Variants in ZMIZ1 observed in about 807,000 individuals in gnomAD.
The protein encoded by ZMIZ1 is zinc finger MIZ-type containing 1, also known as zinc finger MIZ domain-containing protein 1.
ZMIZ1 carries 17 observed loss-of-function variants against 113.9 expected under a neutral mutation model. The ratio of observed to expected loss-of-function variants is 0.15; its 90% CI spans 0.10 to 0.22. The LOEUF (loss-of-function observed/expected upper bound fraction) is 0.22. Among genes scored for constraint, ZMIZ1 ranks in the 10% least tolerant of loss-of-function variants. The pLI, the probability that ZMIZ1 is intolerant of heterozygous loss-of-function variation, is 1.00. For synonymous variants in ZMIZ1, 607 were observed against 603.1 expected, an observed-to-expected ratio of 1.01 and a Z score of -0.09; for missense variants, 1,059 against 1,477.8, an observed-to-expected ratio of 0.72 and a Z score of 4.65.
At chr10:79,169,516 A>G (rs543057898) in intron 4 of ZMIZ1, among the ~76,000 whole-genome samples, 11 of 152,356 alleles carry the variant, frequency 7.2e-5, no homozygotes, top group African/African-American at 2.6e-4. Flanking sequence ...ACAGCTCCAG[A>G]AGGGCTGATA....
intron 6 of ZMIZ1, among the ~76,000 whole-genome samples, chr10:79,210,830 G>A (rs969062605): frequency 6.6e-6 from 1 of 152,174 alleles, no homozygotes; most frequent in Non-Finnish European, 1.5e-5. Context: ...GCTCTGAAGG[G>A]AGCATCTTTT....
chr10:79,236,252 T>A (rs1274033459), intron 7 of ZMIZ1, among the ~76,000 whole-genome samples: 1 of 152,200 alleles, frequency 6.6e-6, no homozygotes, highest in Non-Finnish European at 1.5e-5. Flanking sequence ...AGTGGAAGCT[T>A]TGTGCTCAGC....
intron 7 of ZMIZ1, among the ~76,000 whole-genome samples, chr10:79,223,575 G>C (rs573502365): frequency 1.3e-5 from 2 of 152,238 alleles, no homozygotes; most frequent in Non-Finnish European, 2.9e-5. Flanking sequence ...TTTAGTGGAC[G>C]AAACCTGTTC....
At chr10:79,263,189 T>A (rs1249835466) in intron 7 of ZMIZ1, among the ~76,000 whole-genome samples, 1 of 152,256 alleles carries the variant, frequency 6.6e-6, no homozygotes, top group African/African-American at 2.4e-5. Flanking sequence ...AACACGTGTT[T>A]CCAGAGTGGT....
At chr10:79,174,922 C>G (rs76856214) in intron 4 of ZMIZ1, among the ~76,000 whole-genome samples, 2,323 of 152,330 alleles carry the variant, frequency 0.015, 55 homozygotes, top group African/African-American at 0.053. Context: ...CAGGTGACAC[C>G]TGCCCTCCAT....
At chr10:79,214,799 C>G (rs1393365381) in intron 6 of ZMIZ1, among the ~76,000 whole-genome samples, 3 of 152,182 alleles carry the variant, frequency 2.0e-5, no homozygotes, top group Admixed American at 2.0e-4. Flanking sequence ...ACTCCATTTT[C>G]CAAGGTCCTT....
intron 5 of ZMIZ1, among the ~76,000 whole-genome samples, chr10:79,208,110 G>T (rs11002866): frequency 7.0e-6 from 1 of 142,550 alleles, no homozygotes; most frequent in South Asian, 2.3e-4. Context: ...GAGGTGGATC[G>T]GGGAGGTGGG....
chr10:79,227,559 A>G (rs1261826830), intron 7 of ZMIZ1, among the ~76,000 whole-genome samples: 2 of 152,226 alleles, frequency 1.3e-5, no homozygotes, highest in Admixed American at 6.5e-5. Context: ...AATAATGCCT[A>G]CATCATAGGT....
chr10:79,098,057 G>T (rs1843233524), intron 1 of ZMIZ1, among the ~76,000 whole-genome samples: 1 of 152,222 alleles, frequency 6.6e-6, no homozygotes, highest in African/African-American at 2.4e-5. Context: ...AGGCTCTGGA[G>T]GACTTGATGG....
chr10:79,109,500 G>A (rs1462183226), intron 1 of ZMIZ1, among the ~76,000 whole-genome samples: 2 of 152,224 alleles, frequency 1.3e-5, no homozygotes, highest in African/African-American at 4.8e-5. Flanking sequence ...AGCCTCATCT[G>A]TCCTCAGCAT....
At chr10:79,154,800 G>C (rs949181506) in intron 3 of ZMIZ1, among the ~76,000 whole-genome samples, 1 of 152,122 alleles carries the variant, frequency 6.6e-6, no homozygotes, top group Non-Finnish European at 1.5e-5. Context: ...AGTTGGTCTC[G>C]GACTCATCTT....
At chr10:79,203,340 G>A (rs1848179126) in intron 5 of ZMIZ1, among the ~76,000 whole-genome samples, 1 of 152,172 alleles carries the variant, frequency 6.6e-6, no homozygotes, top group African/African-American at 2.4e-5. Context: ...GCTTGTTACA[G>A]ATTGAACCCA....
intron 7 of ZMIZ1, among the ~76,000 whole-genome samples, chr10:79,252,253 T>C (rs1850597341): frequency 6.6e-6 from 1 of 152,052 alleles, no homozygotes; most frequent in South Asian, 2.1e-4. Flanking sequence ...GCATCAGGCC[T>C]ACCAGGGGCC....
At chr10:79,263,602 C>A (rs1432310978) in intron 7 of ZMIZ1, among the ~76,000 whole-genome samples, 4 of 152,156 alleles carry the variant, frequency 2.6e-5, no homozygotes, top group African/African-American at 9.7e-5. Flanking sequence ...ACCGGGCCCC[C>A]AGGACAGAGC....
chr10:79,247,042 C>T (rs1850246494), intron 7 of ZMIZ1, among the ~76,000 whole-genome samples: 1 of 152,248 alleles, frequency 6.6e-6, no homozygotes, highest in African/African-American at 2.4e-5. Flanking sequence ...TTCCTGTGGC[C>T]TTGTCCCTGT....
intron 7 of ZMIZ1, among the ~76,000 whole-genome samples, chr10:79,239,375 G>C (rs1233885446): frequency 6.6e-6 from 1 of 152,198 alleles, no homozygotes; most frequent in Admixed American, 6.5e-5. Context: ...TGTGAAGGTG[G>C]ATGGCCCAGG....
At chr10:79,140,935 G>A (rs1041253545) in intron 3 of ZMIZ1, among the ~76,000 whole-genome samples, 2 of 151,668 alleles carry the variant, frequency 1.3e-5, no homozygotes, top group African/African-American at 2.4e-5. Flanking sequence ...GGCATGCACC[G>A]CCACGCCCAG....
chr10:79,298,308 C>A (rs1251751509), intron 14 of ZMIZ1, 98 bp from the exon 15 acceptor site: 5 of 1,352,844 alleles, frequency 3.7e-6, no homozygotes, highest in Non-Finnish European at 5.0e-6. Flanking sequence ...AGGGGCATGG[C>A]TCCAGGCCCC....
rs749051975 is a variant in ZMIZ1, at chr10:79,216,183, G to A, written c.189G>A (p.Val63=). Residue 63 remains valine (V), a synonymous_variant, in exon 7 of 25, where the codon GTG becomes GTA. Coordinates refer to ENST00000334512, the MANE Select transcript of ZMIZ1 (RefSeq NM_020338.4). ...CTTGCTTTCAGGTGGTCAGTCGGGT[G>A]GCAGCCCAGCAAGGCTTTGACCTGG... is the stretch of plus-strand genomic sequence containing the variant. ...LMGCLTVVSR[V]AAQQGFDLDL... is the part of the protein sequence containing the mutation. 1 of 1,512,392 alleles carries A rather than the reference G, an allele frequency of 6.6e-7. No individual in the cohort carries two copies. Among genetic ancestry groups the A allele is most frequent in the Admixed American group, 2.0e-5 (1 of 48,812 alleles). 93.7% of individuals were successfully genotyped at this position (1,512,392 alleles called of 1,614,324 possible). A position where few individuals can be genotyped will look rare whatever the true frequency, so the allele number is the denominator to read the frequency against.
Sources: allele counts gnomAD v4.1 joint callset (sites outside exome capture counted in the v4.1 genomes callset), GRCh38; gene constraint gnomAD v4.1.1; transcripts MANE v1.5; gene names NCBI Gene and HGNC (gene_info 2026-07-23, HGNC 2026-07-21).